Variants in SYTL3 observed in about 807,000 individuals in gnomAD.
SYTL3 encodes synaptotagmin like 3.
A neutral mutation model predicts 82.1 loss-of-function variants in SYTL3; 88 were observed. That is an observed-to-expected ratio of 1.07 (90% CI 0.90 to 1.28). SYTL3 has a LOEUF of 1.28. SYTL3 is among the 50% of genes most tolerant of loss of function. The pLI, the probability that SYTL3 is intolerant of heterozygous loss-of-function variation, is 0.00. For missense variants in SYTL3, 831 were observed against 757.6 expected, an observed-to-expected ratio of 1.10 and a Z score of -1.14; for synonymous variants, 311 against 289.4, an observed-to-expected ratio of 1.07 and a Z score of -0.76.
rs117242534 is a variant in SYTL3 at position 158,701,738 on chromosome 6, C to G, written c.395-5492C>G. 6.8e-3 allele frequency among the ~76,000 whole-genome samples: 1,034 copies of G among 152,004 alleles called. 33 individuals carry two copies. The South Asian group carries it at 0.088, about 13-fold the overall frequency. ...GGCTGCAGTAACAGAGTGCCACAACCTGGGGATCCTCCAACAACAGAAATG... is the reference window on the plus strand; with the variant it reads ...GGCTGCAGTAACAGAGTGCCACAACGTGGGGATCCTCCAACAACAGAAATG... On this transcript the variant is annotated intron_variant, in intron 6 of 17. Coordinates refer to ENST00000611299, the MANE Select transcript of SYTL3 (RefSeq NM_001242394.2).
chr6:158,713,547 T>G (rs1783005200), intron 8 of SYTL3, among the ~76,000 whole-genome samples: 1 of 152,196 alleles, frequency 6.6e-6, no homozygotes, highest in Non-Finnish European at 1.5e-5. Flanking sequence ...CCGCTGATAA[T>G]GCTCCTTCAA....
chr6:158,731,562 T>C (rs1785420974), intron 11 of SYTL3, among the ~76,000 whole-genome samples: 1 of 152,070 alleles, frequency 6.6e-6, no homozygotes, highest in Non-Finnish European at 1.5e-5. Context: ...CTTTTTCTTT[T>C]CTTCCCTTTA....
At chr6:158,751,576 G>A (rs866250059) in intron 12 of SYTL3, among the ~76,000 whole-genome samples, 2 of 152,136 alleles carry the variant, frequency 1.3e-5, no homozygotes, top group Admixed American at 6.5e-5. Flanking sequence ...CAGAAGGGAC[G>A]GGAATCCGGC....
rs994059045 is a variant in SYTL3, at chr6:158,678,059, T to G, written c.330-4866T>G. Among the ~76,000 whole-genome samples, 34 of 152,236 alleles carry G rather than the reference T, an allele frequency of 2.2e-4. No homozygotes were observed. In the Middle Eastern group the frequency reaches 0.01, roughly 46 times the overall value. On this transcript the variant is annotated intron_variant, in intron 5 of 17. Transcript: ENST00000611299. The stretch of plus-strand genomic sequence containing the variant: ...CGTGCACCACCATGTCTGGCTGATT[T>G]TTGTATTTTTGGTAGGGATGTTGCT...
At chr6:158,652,684 G>A (rs1262343198) in intron 2 of SYTL3, among the ~76,000 whole-genome samples, 1 of 152,074 alleles carries the variant, frequency 6.6e-6, no homozygotes, top group African/African-American at 2.4e-5. Flanking sequence ...TGGGATTACA[G>A]GTGCCCACCA....
intron 6 of SYTL3, among the ~76,000 whole-genome samples, chr6:158,693,175 C>A (rs1275654101): frequency 6.6e-6 from 1 of 152,172 alleles, no homozygotes; most frequent in Non-Finnish European, 1.5e-5. Flanking sequence ...TTTATGAAGT[C>A]ATGTTTATTT....
chr6:158,681,991 C>G (rs999584823), intron 5 of SYTL3, among the ~76,000 whole-genome samples: 5 of 152,194 alleles, frequency 3.3e-5, no homozygotes, highest in African/African-American at 1.2e-4. Flanking sequence ...GGCTGGAGTG[C>G]AATGGTGCAA....
intron 5 of SYTL3, among the ~76,000 whole-genome samples, chr6:158,671,021 G>A (rs1270418839): frequency 6.6e-6 from 1 of 151,680 alleles, no homozygotes; most frequent in Non-Finnish European, 1.5e-5. Context: ...AGCCAGGATG[G>A]TCTTGATCTC....
chr6:158,658,979 G>A (rs1190720016), intron 2 of SYTL3, among the ~76,000 whole-genome samples: 2 of 152,162 alleles, frequency 1.3e-5, no homozygotes, highest in Non-Finnish European at 2.9e-5. Flanking sequence ...TTTACTCATA[G>A]TAGTTGCTAA....
At chr6:158,683,656 A>G (rs1308713313) in intron 6 of SYTL3, among the ~76,000 whole-genome samples, 3 of 152,220 alleles carry the variant, frequency 2.0e-5, no homozygotes, top group South Asian at 4.1e-4. Flanking sequence ...AAAGTTCCTT[A>G]TATTGTAGCA....
intron 7 of SYTL3, among the ~76,000 whole-genome samples, chr6:158,707,835 C>T (rs982099092): frequency 1.4e-4 from 22 of 152,164 alleles, no homozygotes; most frequent in Non-Finnish European, 1.8e-4. Flanking sequence ...TTTGTTTGGC[C>T]CATGGTGAAA....
intron 2 of SYTL3, among the ~76,000 whole-genome samples, chr6:158,658,770 CAA>C (rs35484799): frequency 8.6e-5 from 13 of 151,570 alleles, no homozygotes; most frequent in South Asian, 2.1e-4. Context: ...ACTAAAAATA[CAA>C]AAAAAAATTA....
chr6:158,760,581 C>T, intron 14 of SYTL3, 59 bp from the exon 15 acceptor site: 1 of 1,483,660 alleles, frequency 6.7e-7, no homozygotes, highest in African/African-American at 1.4e-5. Flanking sequence ...ACCAGAGGAA[C>T]CCAGAAGGTT....
chr6:158,745,628 A>G lies in SYTL3; in HGVS notation c.1004A>G (p.Tyr335Cys). ...ICIKACKNLA[Y>C]GEEKKKKCNP... is the part of the protein sequence containing the mutation. ...ATCAAGGCCTGTAAGAACCTTGCCT[A>G]TGGAGAAGAAAAGAAGAAAAAGTGC... The change falls in exon 12 of 18, where the codon TAT becomes TGT. Residue 335 changes from tyrosine (Y) to cysteine (C), a missense_variant. By Grantham distance (194) the Tyr-to-Cys change is radical (BLOSUM62 -2). Transcript: ENST00000611299. 1.2e-6 allele frequency: 2 copies of G among 1,604,628 alleles called. No homozygotes were observed. The highest frequency in any genetic ancestry group is 1.3e-5 in the African/African-American group (1 of 74,322).
chr6:158,760,759 A>G lies in SYTL3; in HGVS notation c.1414+14A>G, dbSNP rs767777593. 1 of 1,591,154 alleles carries G rather than the reference A, an allele frequency of 6.3e-7. No homozygotes were observed. Among genetic ancestry groups the G allele is most frequent in the Non-Finnish European group, 8.6e-7 (1 of 1,159,042 alleles). On this transcript the variant is annotated intron_variant, in intron 15 of 17. Transcript: ENST00000611299. The stretch of plus-strand genomic sequence containing the variant: ...AGGCTCAAGAAGGTCAGTGGCCTCC[A>G]GCTCCCTGGACATTGTCTGTGTCAT...
In SYTL3 at chr6:158,760,715, C is replaced by A. The variant is rs777596209; in HGVS notation, c.1384C>A (p.Arg462=). The A allele has an allele frequency of 6.2e-7, 1 of 1,614,058 alleles. No individual in the cohort carries two copies. The highest frequency in any genetic ancestry group is 8.5e-7 in the Non-Finnish European group (1 of 1,179,948). ...CCGGGCTAAGCTGGTTCTCCCTTCACGGCCCAGAAAACTCCAAGAGGCTCA... is the reference window on the plus strand; with the variant it reads ...CCGGGCTAAGCTGGTTCTCCCTTCAAGGCCCAGAAAACTCCAAGAGGCTCA... ...TVRAKLVLPS[R]PRKLQEAQEG... is the part of the protein sequence containing the mutation. Residue 462 remains arginine (R), a synonymous_variant, in exon 15 of 18, where the codon CGG becomes AGG. Coordinates refer to ENST00000611299, the MANE Select transcript of SYTL3 (RefSeq NM_001242394.2).
chr6:158,739,937 T>C (rs865890130), intron 11 of SYTL3, among the ~76,000 whole-genome samples: 14 of 152,062 alleles, frequency 9.2e-5, no homozygotes, highest in South Asian at 4.1e-4. Flanking sequence ...TCTGATCTTA[T>C]GTTAATTTAA....
chr6:158,725,324 T>TGC (rs200793127), intron 10 of SYTL3, among the ~76,000 whole-genome samples, 179 bp from the exon 11 acceptor site: 1 of 151,172 alleles, frequency 6.6e-6, no homozygotes, highest in Admixed American at 6.6e-5. Flanking sequence ...GGTGTGTGTG[T>TGC]GCGTGTGTGT....
At chr6:158,760,823 G>C (rs141486963) in intron 15 of SYTL3, 78 bp downstream of exon 15, 1 of 1,188,120 alleles carries the variant, frequency 8.4e-7, no homozygotes, top group East Asian at 2.4e-5. Context: ...ACTGAGGTGG[G>C]GTGAAAGTTT....
Sources: allele counts gnomAD v4.1 joint callset (sites outside exome capture counted in the v4.1 genomes callset), GRCh38; gene constraint gnomAD v4.1.1; transcripts MANE v1.5; gene names NCBI Gene and HGNC (gene_info 2026-07-23, HGNC 2026-07-21).